The following SMAP1 variants were observed in gnomAD, a reference collection of about 807,000 sequenced individuals.
SMAP1 encodes stromal membrane-associated protein 1.
In SMAP1, 24 loss-of-function variants were observed where a neutral mutation model predicts 58.5. The ratio of observed to expected loss-of-function variants is 0.41; its 90% CI spans 0.30 to 0.58. SMAP1 has a LOEUF of 0.58. SMAP1 is among the 20% of genes least tolerant of loss of function. The pLI, the probability that SMAP1 is intolerant of heterozygous loss-of-function variation, is 0.29. For missense variants in SMAP1, 563 were observed against 566.3 expected (o/e 0.99, Z 0.06); for synonymous variants, 216 against 196.6 (o/e 1.10, Z -0.82).
chr6:70,697,074 G>C (rs1297561007), intron 1 of SMAP1, among the ~76,000 whole-genome samples: 3 of 151,986 alleles, frequency 2.0e-5, no homozygotes, highest in Non-Finnish European at 2.9e-5. Flanking sequence ...CTATTTGCAT[G>C]CAGTATCTTC....
At chr6:70,758,433 G>A (rs985932904) in intron 3 of SMAP1, among the ~76,000 whole-genome samples, 20 of 150,702 alleles carry the variant, frequency 1.3e-4, no homozygotes, top group African/African-American at 4.6e-4. Context: ...TGACGAGTTA[G>A]TGGGTGCAGC....
intron 7 of SMAP1, chr6:70,837,914 A>T: frequency 8.6e-7 from 1 of 1,168,940 alleles, no homozygotes. Context: ...TAAGAATTAT[A>T]GCTGAATGTT....
At chr6:70,821,890 G>A (rs1769906942) in intron 6 of SMAP1, among the ~76,000 whole-genome samples, 2 of 152,268 alleles carry the variant, frequency 1.3e-5, no homozygotes, top group East Asian at 1.9e-4. Context: ...TTACAGGCTT[G>A]TAGTAAATTG....
chr6:70,806,597 G>C (rs980348932), intron 6 of SMAP1, among the ~76,000 whole-genome samples: 2 of 152,192 alleles, frequency 1.3e-5, no homozygotes, highest in African/African-American at 4.8e-5. Flanking sequence ...GATCATGCTA[G>C]GAGCTGCAGA....
chr6:70,726,545 C>T (rs1047367547), intron 1 of SMAP1, among the ~76,000 whole-genome samples: 3 of 152,142 alleles, frequency 2.0e-5, no homozygotes, highest in Non-Finnish European at 2.9e-5. Context: ...TGTTCCTCAT[C>T]GTATTTTCTT....
intron 1 of SMAP1, among the ~76,000 whole-genome samples, chr6:70,680,511 C>G (rs568693980): frequency 1.3e-5 from 2 of 152,134 alleles, no homozygotes; most frequent in East Asian, 3.9e-4. Context: ...CAGCATTATT[C>G]ATAATAGCCA....
At chr6:70,683,890 T>G (rs911743984) in intron 1 of SMAP1, among the ~76,000 whole-genome samples, 3 of 152,242 alleles carry the variant, frequency 2.0e-5, no homozygotes, top group African/African-American at 4.8e-5. Flanking sequence ...CCAGGTCTTC[T>G]GGAAATCTGT....
chr6:70,769,557 A>C (rs1294454109), intron 3 of SMAP1, among the ~76,000 whole-genome samples: 1 of 152,116 alleles, frequency 6.6e-6, no homozygotes, highest in South Asian at 2.1e-4. Flanking sequence ...CTGTTTTATC[A>C]GAGACTAGGA....
intron 3 of SMAP1, among the ~76,000 whole-genome samples, chr6:70,771,847 C>G (rs1018973183): frequency 2.0e-5 from 3 of 152,218 alleles, no homozygotes; most frequent in African/African-American, 7.2e-5. Context: ...CTGCGTCGCT[C>G]ACGCTGGGAG....
At chr6:70,775,493 G>A (rs1767511770) in intron 4 of SMAP1, among the ~76,000 whole-genome samples, 2 of 152,018 alleles carry the variant, frequency 1.3e-5, no homozygotes, top group Non-Finnish European at 2.9e-5. Flanking sequence ...TATAAGATAC[G>A]TGGTAGAATA....
At chr6:70,669,285 T>C (rs1766166226) in intron 1 of SMAP1, among the ~76,000 whole-genome samples, 1 of 152,186 alleles carries the variant, frequency 6.6e-6, no homozygotes. Context: ...TTCCTGAAGC[T>C]TTACTGTTCT....
chr6:70,768,651 ATT>A, intron 3 of SMAP1, among the ~76,000 whole-genome samples: 1 of 151,728 alleles, frequency 6.6e-6, no homozygotes, highest in East Asian at 1.9e-4. Context: ...TTTCTTGTTT[ATT>A]AGTCTTGCTA....
intron 1 of SMAP1, among the ~76,000 whole-genome samples, chr6:70,717,243 C>T (rs1320163250): frequency 1.3e-5 from 2 of 152,150 alleles, no homozygotes; most frequent in Non-Finnish European, 2.9e-5. Flanking sequence ...TCATTCATTC[C>T]ACACTAAGCT....
At chr6:70,710,524 C>T (rs987939279) in intron 1 of SMAP1, among the ~76,000 whole-genome samples, 6 of 142,254 alleles carry the variant, frequency 4.2e-5, no homozygotes, top group East Asian at 2.0e-4. Flanking sequence ...AAAGGGTAAA[C>T]GGCATACACA....
intron 3 of SMAP1, 105 bp from the exon 4 acceptor site, chr6:70,773,245 A>C: frequency 1.5e-6 from 1 of 650,482 alleles, no homozygotes; most frequent in East Asian, 3.1e-5. Flanking sequence ...CAGATTGAGG[A>C]GTAGGAAAAT....
intron 1 of SMAP1, among the ~76,000 whole-genome samples, chr6:70,669,465 T>C (rs1766174103): frequency 1.3e-5 from 2 of 152,244 alleles, no homozygotes; most frequent in African/African-American, 4.8e-5. Flanking sequence ...CTTTTCAATA[T>C]AGTAACTTGA....
At chr6:70,735,962 T>C (rs1765602271) in intron 2 of SMAP1, among the ~76,000 whole-genome samples, 1 of 152,214 alleles carries the variant, frequency 6.6e-6, no homozygotes, top group Non-Finnish European at 1.5e-5. Context: ...GGAAACATGA[T>C]TTAATCTTTG....
chr6:70,839,601 A>G (rs1426931140), intron 7 of SMAP1, among the ~76,000 whole-genome samples: 1 of 152,150 alleles, frequency 6.6e-6, no homozygotes, highest in East Asian at 1.9e-4. Flanking sequence ...AAGGTTAAGA[A>G]TATAAGGGGG....
intron 7 of SMAP1, among the ~76,000 whole-genome samples, chr6:70,846,276 C>T (rs986034741): frequency 6.6e-6 from 1 of 152,190 alleles, no homozygotes; most frequent in Non-Finnish European, 1.5e-5. Context: ...AAGAAATCCT[C>T]CCATAACCTG....
Sources: gnomAD v4.1 joint callset for allele counts (sites outside exome capture counted in the v4.1 genomes callset) on GRCh38, gnomAD v4.1.1 for gene constraint, MANE v1.5 for transcripts, NCBI Gene and HGNC (gene_info 2026-07-23, HGNC 2026-07-21) for gene names.